PPM1H: variants seen among roughly 807,000 people sequenced by gnomAD.
The protein encoded by PPM1H is protein phosphatase 1H.
In PPM1H, 27 loss-of-function variants were observed where a neutral mutation model predicts 54.9. The ratio of observed to expected loss-of-function variants is 0.49; its 90% CI spans 0.36 to 0.68. The LOEUF is 0.68. PPM1H is among the 30% of genes least tolerant of loss of function. The probability of loss-of-function intolerance (pLI) is 0.00; values close to 1 mark genes in which losing one functional copy is unlikely to be tolerated. For missense variants in PPM1H, 596 were observed against 667.8 expected, an observed-to-expected ratio of 0.89 and a Z score of 1.19; for synonymous variants, 305 against 270.8, an observed-to-expected ratio of 1.13 and a Z score of -1.24.
intron 5 of PPM1H, 44 bp from the exon 6 acceptor site, chr12:62,720,333 T>G (rs1329304497): frequency 7.1e-7 from 1 of 1,404,026 alleles, no homozygotes; most frequent in Non-Finnish European, 9.9e-7. Context: ...ATACACGTAT[T>G]TAGAGAAACA....
At chr12:62,653,005 A>T (rs1371646470) in intron 9 of PPM1H, among the ~76,000 whole-genome samples, 1 of 152,196 alleles carries the variant, frequency 6.6e-6, no homozygotes, top group Admixed American at 6.5e-5. Context: ...CTTTATTGTT[A>T]TGCAATTCTA....
At chr12:62,770,383 G>C (rs1224052766) in intron 4 of PPM1H, among the ~76,000 whole-genome samples, 1 of 152,090 alleles carries the variant, frequency 6.6e-6, no homozygotes, top group Non-Finnish European at 1.5e-5. Flanking sequence ...GCTATGATAA[G>C]TCACAGAAGC....
intron 8 of PPM1H, among the ~76,000 whole-genome samples, chr12:62,682,373 G>C (rs970037120): frequency 6.6e-6 from 1 of 152,154 alleles, no homozygotes; most frequent in African/African-American, 2.4e-5. Flanking sequence ...AACAAAATAT[G>C]TTCTTTCTCC....
At chr12:62,687,577 T>G (rs1309408691) in intron 8 of PPM1H, among the ~76,000 whole-genome samples, 3 of 152,050 alleles carry the variant, frequency 2.0e-5, no homozygotes, top group African/African-American at 7.2e-5. Flanking sequence ...TTTTTTTTTT[T>G]TGAGTTAGCT....
At chr12:62,826,208 A>T (rs925102414) in intron 2 of PPM1H, among the ~76,000 whole-genome samples, 1 of 152,192 alleles carries the variant, frequency 6.6e-6, no homozygotes, top group African/African-American at 2.4e-5. Flanking sequence ...CCAACACTTC[A>T]GGAGCCTGAG....
At chr12:62,725,988 T>C (rs374907904) in intron 5 of PPM1H, among the ~76,000 whole-genome samples, 2 of 152,362 alleles carry the variant, frequency 1.3e-5, no homozygotes, top group East Asian at 3.9e-4. Flanking sequence ...ATTCATTTTC[T>C]GTCATAATCA....
chr12:62,732,303 C>T (rs1278777051), intron 5 of PPM1H, among the ~76,000 whole-genome samples: 1 of 152,176 alleles, frequency 6.6e-6, no homozygotes, highest in Admixed American at 6.5e-5. Context: ...GGTCAGAATG[C>T]AAGACCAAAC....
At chr12:62,739,664 G>GC (rs1309952694) in intron 4 of PPM1H, among the ~76,000 whole-genome samples, 1 of 152,210 alleles carries the variant, frequency 6.6e-6, no homozygotes, top group Admixed American at 6.5e-5. Flanking sequence ...GGACCTGAGT[G>GC]CCAGGAGCTC....
At chr12:62,852,867 C>T (rs60154663) in intron 1 of PPM1H, among the ~76,000 whole-genome samples, 14,088 of 152,178 alleles carry the variant, frequency 0.093, 2,021 homozygotes, top group African/African-American at 0.31. Context: ...TTGAAATGCA[C>T]AGCATCAGCT....
chr12:62,761,607 G>A (rs1185095694), intron 4 of PPM1H, among the ~76,000 whole-genome samples: 3 of 152,120 alleles, frequency 2.0e-5, no homozygotes, highest in Non-Finnish European at 4.4e-5. Flanking sequence ...GGCCTGTTTA[G>A]TGCTTCTCAT....
chr12:62,743,726 C>T (rs1310446068), intron 4 of PPM1H, among the ~76,000 whole-genome samples: 1 of 151,614 alleles, frequency 6.6e-6, no homozygotes, highest in Non-Finnish European at 1.5e-5. Flanking sequence ...AGAAAAAAAG[C>T]TGATAAAAAA....
intron 4 of PPM1H, among the ~76,000 whole-genome samples, chr12:62,759,553 C>T (rs890356990): frequency 3.3e-5 from 5 of 152,202 alleles, no homozygotes; most frequent in Admixed American, 1.3e-4. Flanking sequence ...AGACAGCCTT[C>T]CCTTGGTGAT....
chr12:62,879,787 A>G (rs913682417), intron 1 of PPM1H, among the ~76,000 whole-genome samples: 1 of 152,064 alleles, frequency 6.6e-6, no homozygotes, highest in African/African-American at 2.4e-5. Flanking sequence ...TTAAAAAAAT[A>G]AAAAAAGAAT....
intron 8 of PPM1H, among the ~76,000 whole-genome samples, chr12:62,671,253 G>A (rs960535631): frequency 2.6e-5 from 4 of 152,182 alleles, no homozygotes; most frequent in African/African-American, 9.6e-5. Context: ...CCCTGGAGGG[G>A]ACAGGTGTGC....
chr12:62,755,931 TC>T (rs1453365503), intron 4 of PPM1H: 1 of 817,124 alleles, frequency 1.2e-6, no homozygotes, highest in Non-Finnish European at 2.1e-6. Context: ...GCCTTCTGTG[TC>T]CCTACTGCCA....
At chr12:62,825,895 A>C (rs75660692) in intron 2 of PPM1H, among the ~76,000 whole-genome samples, 2,333 of 152,120 alleles carry the variant, frequency 0.015, 51 homozygotes, top group Non-Finnish European at 0.018. Context: ...AAAAAAAATA[A>C]TAAAATGCCA....
chr12:62,738,860 T>G (rs545308878), intron 4 of PPM1H, among the ~76,000 whole-genome samples: 1 of 152,216 alleles, frequency 6.6e-6, no homozygotes, highest in South Asian at 2.1e-4. Flanking sequence ...TCTCTCCCAG[T>G]GCAGAGGCAG....
intron 4 of PPM1H, chr12:62,755,262 T>G: frequency 1.3e-6 from 1 of 743,380 alleles, no homozygotes; most frequent in Non-Finnish European, 2.4e-6. Flanking sequence ...GATTTGGTTG[T>G]ATTGGGTGCC....
Position 62,844,574 on chromosome 12 carries a change from G to A in PPM1H, c.246-12295C>T, listed in dbSNP as rs902240140. On this transcript the variant is annotated intron_variant, in intron 1 of 9. Transcript: ENST00000228705. The surrounding 1 kb of genome is among the most constrained non-coding windows in gnomAD (Gnocchi z 5.2). Reference sequence around the variant, plus strand: ...GGAGACAAATGCGCTGAATGTAAGCGATTTTAAATTAGATGCTTAATACCA... The same window carrying A: ...GGAGACAAATGCGCTGAATGTAAGCAATTTTAAATTAGATGCTTAATACCA... Among the ~76,000 whole-genome samples the A allele has an allele frequency of 1.1e-4, 16 of 152,158 alleles. No individual in the cohort carries two copies. Among genetic ancestry groups the A allele is most frequent in the Non-Finnish European group, 1.5e-4 (10 of 68,030 alleles).
Sources: gnomAD v4.1 joint callset for allele counts (sites outside exome capture counted in the v4.1 genomes callset) on GRCh38, gnomAD v4.1.1 for gene constraint, Gnocchi (gnomAD v3.1) non-coding constraint, MANE v1.5 for transcripts, NCBI Gene and HGNC (gene_info 2026-07-23, HGNC 2026-07-21) for gene names.